Variants in TSKU observed in about 807,000 individuals in gnomAD.
TSKU encodes the protein tsukushi.
Under a neutral mutation model 11.2 loss-of-function variants are expected in TSKU, and 4 were observed. The ratio of observed to expected loss-of-function variants is 0.36; its 90% CI spans 0.18 to 0.82. The LOEUF is 0.82. Ranked by LOEUF, TSKU falls within the 40% of genes least tolerant of loss-of-function variation. TSKU has a pLI of 0.50. For missense variants in TSKU, 407 were observed against 482.5 expected (o/e 0.84, Z 1.47); for synonymous variants, 220 against 232.2 (o/e 0.95, Z 0.48).
chr11:76,792,269 C>T (rs1438570828), intron 1 of TSKU: 1 of 152,252 alleles, frequency 6.6e-6, no homozygotes, highest in Non-Finnish European at 1.5e-5. Flanking sequence ...TGTGGAACAG[C>T]TGTATTTACC....
intron 1 of TSKU, among the ~76,000 whole-genome samples, chr11:76,789,525 T>C (rs1944343963): frequency 1.3e-5 from 2 of 152,166 alleles, no homozygotes; most frequent in Admixed American, 1.3e-4. Context: ...AAACTTAGAG[T>C]CACTGTGGAC....
Position 76,789,352 on chromosome 11 carries a change from G to A in TSKU, c.-9+5948G>A, listed in dbSNP as rs139350715. 2.6e-5 allele frequency among the ~76,000 whole-genome samples: 4 copies of A among 152,338 alleles called. No individual in the cohort carries two copies. The East Asian group carries it at 7.7e-4, about 29-fold the overall frequency. On this transcript the variant is annotated intron_variant, in intron 1 of 1. Transcript: ENST00000333090. ...TCGTGCATGGGAGAACTTGATTTCTGTAGGTAAAAAGCAGAACCCAAGAGG... is the reference window on the plus strand; with the variant it reads ...TCGTGCATGGGAGAACTTGATTTCTATAGGTAAAAAGCAGAACCCAAGAGG...
At chr11:76,788,742 T>TG (rs1227462045) in intron 1 of TSKU, among the ~76,000 whole-genome samples, 1 of 152,174 alleles carries the variant, frequency 6.6e-6, no homozygotes, top group East Asian at 1.9e-4. Context: ...GTCTGGGTCT[T>TG]GCGGTTGACC....
chr11:76,795,737 C>G lies in TSKU; in HGVS notation c.121C>G (p.Arg41Gly). 6.2e-7 allele frequency: 1 copy of G among 1,614,200 alleles called. No individual in the cohort carries two copies. The part of the protein sequence containing the change: ...FGLFDSFSLT[R>G]VDCSGLGPHI... ...CCTTTTCGACAGCTTCAGCCTGACT[C>G]GGGTGGATTGTAGCGGCCTGGGCCC... Residue 41 changes from arginine (R) to glycine (G), a missense_variant, in exon 2 of 2, where the codon CGG becomes GGG. By Grantham distance (125) the Arg-to-Gly change is moderately radical. Coordinates refer to ENST00000333090, the MANE Select transcript of TSKU (RefSeq NM_015516.4).
rs559129416 is a variant in TSKU, at chr11:76,797,370, G to C, written c.*692G>C. 1 of 166,974 alleles carries C rather than the reference G, an allele frequency of 6.0e-6. No homozygotes were observed. Among genetic ancestry groups the C allele is most frequent in the East Asian group, 1.9e-4 (1 of 5,186 alleles). The allele number at this position is 166,974 out of a possible 1,614,324, so 10.3% of individuals were successfully genotyped here. On this transcript the variant is annotated 3_prime_UTR_variant, in exon 2 of 2. Transcript: ENST00000333090. The stretch of plus-strand genomic sequence containing the variant: ...TCCTCTAATAAGCCCCACCCTCCCC[G>C]CCTGGGCTCCCCTTGCTGCCCTTGC...
chr11:76,783,086 G>A (rs1044327504), upstream of TSKU: 15 of 152,362 alleles, frequency 9.8e-5, no homozygotes, highest in African/African-American at 3.4e-4. Context: ...AGGGATCCGG[G>A]ATGCAGGAAG....
chr11:76,796,723 C>T lies in TSKU; in HGVS notation c.*45C>T. The stretch of plus-strand genomic sequence containing the variant: ...CCACATAACAGACTGCTGTCCTGGG[C>T]TGCCTCAGGTCCCGAGTAACTTATG... On this transcript the variant is annotated 3_prime_UTR_variant, in exon 2 of 2. Coordinates refer to ENST00000333090, the MANE Select transcript of TSKU (RefSeq NM_015516.4). The surrounding 1 kb of genome is among the most constrained non-coding windows in gnomAD (Gnocchi z 4.1). 3 of 1,387,986 alleles carry T rather than the reference C, an allele frequency of 2.2e-6. No individual in the cohort carries two copies. Among genetic ancestry groups the T allele is most frequent in the Non-Finnish European group, 9.5e-7 (1 of 1,051,764 alleles). 86.0% of individuals were successfully genotyped at this position (1,387,986 alleles called of 1,614,324 possible). A position where few individuals can be genotyped will look rare whatever the true frequency, so the allele number is the denominator to read the frequency against.
chr11:76,782,646 C>G (rs1312091969), upstream of TSKU: 1 of 151,550 alleles, frequency 6.6e-6, no homozygotes, highest in Non-Finnish European at 1.5e-5. Context: ...TGCCTACTCA[C>G]ACGCCAGTTT....
chr11:76,793,464 G>A (rs556738531), intron 1 of TSKU, among the ~76,000 whole-genome samples: 1 of 152,350 alleles, frequency 6.6e-6, no homozygotes, highest in Admixed American at 6.5e-5. Flanking sequence ...GGTTACATAA[G>A]TGGGAGCTCA....
chr11:76,794,090 G>A (rs1944409596), intron 1 of TSKU, among the ~76,000 whole-genome samples: 1 of 152,184 alleles, frequency 6.6e-6, no homozygotes, highest in Admixed American at 6.5e-5. Context: ...GAAGAGCCTG[G>A]CTAGAAGGAA....
At chr11:76,788,508 G>A (rs1030864427) in intron 1 of TSKU, among the ~76,000 whole-genome samples, 2 of 152,162 alleles carry the variant, frequency 1.3e-5, no homozygotes, top group African/African-American at 2.4e-5. Flanking sequence ...TGGGTGGGGA[G>A]GAACATGAAG....
intron 1 of TSKU, chr11:76,791,674 G>A (rs985858611): frequency 6.6e-6 from 1 of 152,242 alleles, no homozygotes; most frequent in African/African-American, 2.4e-5. Context: ...CCACAGAAGG[G>A]GATAATTGTT....
At chr11:76,784,148 A>C (rs1944279243) in intron 1 of TSKU, 2 of 152,488 alleles carry the variant, frequency 1.3e-5, no homozygotes, top group Admixed American at 6.5e-5. Flanking sequence ...ACTCCCCCTC[A>C]GACCCCGGCT....
chr11:76,784,294 A>G (rs1944283132), intron 1 of TSKU: 1 of 152,062 alleles, frequency 6.6e-6, no homozygotes. Flanking sequence ...TGGTAGGGAG[A>G]CAGGCTCCGC....
chr11:76,794,202 A>G (rs1411363613), intron 1 of TSKU, among the ~76,000 whole-genome samples: 4 of 152,152 alleles, frequency 2.6e-5, no homozygotes, highest in South Asian at 2.1e-4. Flanking sequence ...CCACTGCCCA[A>G]CCCTCTCCTT....
At chr11:76,784,295 C>G (rs1944283180) in intron 1 of TSKU, 1 of 152,298 alleles carries the variant, frequency 6.6e-6, no homozygotes, top group Non-Finnish European at 1.5e-5. Context: ...GGTAGGGAGA[C>G]AGGCTCCGCT....
At chr11:76,785,742 C>T (rs1944305429) in intron 1 of TSKU, among the ~76,000 whole-genome samples, 1 of 152,078 alleles carries the variant, frequency 6.6e-6, no homozygotes, top group South Asian at 2.1e-4. Context: ...ACAGGCACAG[C>T]AGGGTGCGGT....
At chr11:76,791,391 G>A (rs1195943886) in intron 1 of TSKU, among the ~76,000 whole-genome samples, 1 of 152,214 alleles carries the variant, frequency 6.6e-6, no homozygotes, top group East Asian at 1.9e-4. Context: ...AATGTCTCCA[G>A]GGCATGTCAG....
intron 1 of TSKU, among the ~76,000 whole-genome samples, chr11:76,784,646 T>C (rs1313316159): frequency 3.3e-5 from 5 of 150,250 alleles, no homozygotes. Context: ...ACACTTGGCC[T>C]GGCGAGGAGG....
Sources: gnomAD v4.1 joint callset for allele counts (sites outside exome capture counted in the v4.1 genomes callset) on GRCh38, gnomAD v4.1.1 for gene constraint, Gnocchi (gnomAD v3.1) non-coding constraint, MANE v1.5 for transcripts, NCBI Gene and HGNC (gene_info 2026-07-23, HGNC 2026-07-21) for gene names.